The following PDE10A variants were observed in gnomAD, a reference collection of about 807,000 sequenced individuals.
PDE10A encodes phosphodiesterase 10A.
PDE10A carries 39 observed loss-of-function variants against 97.7 expected under a neutral mutation model. That is an observed-to-expected ratio of 0.40 (90% CI 0.31 to 0.52). PDE10A has a LOEUF of 0.52. Ranked by LOEUF, PDE10A falls within the 20% of genes least tolerant of loss-of-function variation. PDE10A has a pLI of 0.56. For missense variants in PDE10A, 731 were observed against 1,047.8 expected (o/e 0.70, Z 4.17); for synonymous variants, 371 against 376.8 (o/e 0.98, Z 0.18).
intron 1 of PDE10A, among the ~76,000 whole-genome samples, chr6:165,568,557 C>G (rs773350087): frequency 5.3e-5 from 8 of 152,136 alleles, no homozygotes; most frequent in Non-Finnish European, 1.2e-4. Context: ...CTTCCCATCC[C>G]TCAGACACTT....
At chr6:165,690,761 A>G (rs920594413) in intron 1 of PDE10A, among the ~76,000 whole-genome samples, 8 of 152,196 alleles carry the variant, frequency 5.3e-5, no homozygotes, top group African/African-American at 1.4e-4. Flanking sequence ...CCCCATTTCT[A>G]TCTGGCATGA....
chr6:165,350,257 C>G (rs2128185918), intron 18 of PDE10A, among the ~76,000 whole-genome samples: 1 of 152,316 alleles, frequency 6.6e-6, no homozygotes, highest in East Asian at 1.9e-4. Flanking sequence ...CCACCTCTTG[C>G]ATCAGCATGA....
intron 1 of PDE10A, among the ~76,000 whole-genome samples, chr6:165,943,197 AAGAAAGAAAG>A (rs1427638524): frequency 0.033 from 1,991 of 59,498 alleles, 136 homozygotes; most frequent in Non-Finnish European, 0.048. Context: ...GAAAGAAAGA[AAGAAAGAAAG>A]AAAGAAAGAA....
At chr6:165,457,638 A>G (rs1396952580) in intron 3 of PDE10A, among the ~76,000 whole-genome samples, 4 of 152,164 alleles carry the variant, frequency 2.6e-5, no homozygotes, top group Admixed American at 2.6e-4. Context: ...ACATTTTAAT[A>G]TATCCTGAGT....
intron 1 of PDE10A, among the ~76,000 whole-genome samples, chr6:165,935,517 T>C (rs1450413752): frequency 1.3e-5 from 2 of 152,280 alleles, no homozygotes; most frequent in East Asian, 3.9e-4. Context: ...AAGAGGGAAA[T>C]CGTGGGCAAA....
intron 1 of PDE10A, among the ~76,000 whole-genome samples, chr6:165,893,824 A>ATTT (rs11381418): frequency 6.9e-5 from 10 of 145,408 alleles, no homozygotes; most frequent in African/African-American, 7.6e-5. Flanking sequence ...CATTAGTGCC[A>ATTT]TTTTTTTTTT....
At chr6:165,715,935 C>T (rs1792016018) in intron 1 of PDE10A, among the ~76,000 whole-genome samples, 1 of 152,154 alleles carries the variant, frequency 6.6e-6, no homozygotes, top group African/African-American at 2.4e-5. Flanking sequence ...TTATTTATAC[C>T]CTGCCTGGGA....
At chr6:165,463,331 A>ATT (rs1778436610) in intron 3 of PDE10A, among the ~76,000 whole-genome samples, 1 of 152,266 alleles carries the variant, frequency 6.6e-6, no homozygotes, top group African/African-American at 2.4e-5. Flanking sequence ...AATTTGGGAA[A>ATT]GAATAAAAAA....
At chr6:165,585,731 C>T (rs553668077) in intron 1 of PDE10A, among the ~76,000 whole-genome samples, 1 of 152,212 alleles carries the variant, frequency 6.6e-6, no homozygotes, top group South Asian at 2.1e-4. Context: ...TGTTTTAAGC[C>T]ACAACGTTTG....
chr6:165,866,936 C>T (rs1781072489), intron 1 of PDE10A, among the ~76,000 whole-genome samples: 1 of 151,950 alleles, frequency 6.6e-6, no homozygotes, highest in South Asian at 2.1e-4. Context: ...ACAAGAAATA[C>T]TCAAGGGAGT....
intron 1 of PDE10A, among the ~76,000 whole-genome samples, chr6:165,692,036 C>A (rs1005028676): frequency 6.6e-6 from 1 of 152,186 alleles, no homozygotes; most frequent in Non-Finnish European, 1.5e-5. Flanking sequence ...AGGCCCCTAT[C>A]TCTTTGTCAT....
At position 165,857,737 on chromosome 6, in the gene PDE10A, G is replaced by GTA. The variant is rs397518282; in HGVS notation, c.-615+129791_-615+129792insTA. ...TGTGTGTGTGTGTGTGTGTGTGTGT[G>GTA]AAGAATGATTGTGCTCTTTGGGGCA... On this transcript the variant is annotated intron_variant, in intron 1 of 19. Coordinates refer to the PDE10A transcript ENST00000366882. Among the ~76,000 whole-genome samples, 334 of 74,844 alleles carry GTA rather than the reference G, an allele frequency of 4.5e-3. 1 individual carries two copies. The highest frequency in any genetic ancestry group is 0.01 in the Admixed American group (67 of 6,682). 49.1% of individuals were successfully genotyped at this position (74,844 alleles called of 152,430 possible).
At chr6:165,886,592 G>A (rs2128481408) in intron 1 of PDE10A, among the ~76,000 whole-genome samples, 1 of 152,322 alleles carries the variant, frequency 6.6e-6, no homozygotes, top group South Asian at 2.1e-4. Context: ...GAAATCAGAA[G>A]GAAACAAAAT....
chr6:165,895,435 C>T (rs1781916630), intron 1 of PDE10A, among the ~76,000 whole-genome samples: 1 of 152,150 alleles, frequency 6.6e-6, no homozygotes, highest in Non-Finnish European at 1.5e-5. Flanking sequence ...AAGGATCCTC[C>T]GTGGTGGCTT....
intron 5 of PDE10A, among the ~76,000 whole-genome samples, chr6:165,448,214 T>G (rs1447896832): frequency 6.6e-6 from 1 of 152,264 alleles, no homozygotes; most frequent in Non-Finnish European, 1.5e-5. Flanking sequence ...ATTAAACTTA[T>G]GAATATTAGC....
rs567011874 is a variant in PDE10A, at chr6:165,486,457, G to C, written c.995-4114C>G. 2.6e-5 allele frequency among the ~76,000 whole-genome samples: 4 copies of C among 152,262 alleles called. No homozygotes were observed. The East Asian group carries it at 5.8e-4, about 22-fold the overall frequency. On this transcript the variant is annotated intron_variant, in intron 2 of 21. Coordinates refer to ENST00000539869, the MANE Select transcript of PDE10A (RefSeq NM_001385079.1). ...TTGTGTGGCTGGAGCTCCTTAGGTC[G>C]CTTCTGAATGTGAGTCTGTGCACTG...
intron 1 of PDE10A, among the ~76,000 whole-genome samples, chr6:165,619,343 T>G (rs1377992011): frequency 2.0e-5 from 3 of 150,248 alleles, no homozygotes; most frequent in Admixed American, 6.6e-5. Context: ...TGTAGTGTAG[T>G]CTAGTGTAGT....
chr6:165,976,031 A>C (rs1051092875), intron 1 of PDE10A, among the ~76,000 whole-genome samples: 13 of 152,220 alleles, frequency 8.5e-5, no homozygotes, highest in African/African-American at 3.1e-4. Context: ...GAACAACAAA[A>C]ATGGGAGTAA....
chr6:165,429,387 T>C (rs774509015), intron 9 of PDE10A, among the ~76,000 whole-genome samples: 34 of 152,092 alleles, frequency 2.2e-4, no homozygotes, highest in Admixed American at 8.5e-4. Context: ...GGCTAGGTAG[T>C]GTTTAACCTA....
Sources: allele counts gnomAD v4.1 joint callset (sites outside exome capture counted in the v4.1 genomes callset), GRCh38; gene constraint gnomAD v4.1.1; transcripts MANE v1.5; gene names NCBI Gene and HGNC (gene_info 2026-07-23, HGNC 2026-07-21).